Variants in VWA5A observed in about 807,000 individuals in gnomAD.
The protein encoded by VWA5A is von Willebrand factor A domain-containing protein 5A.
VWA5A carries 77 observed loss-of-function variants against 84.6 expected under a neutral mutation model. The ratio of observed to expected loss-of-function variants is 0.91; its 90% CI spans 0.76 to 1.10. The LOEUF (loss-of-function observed/expected upper bound fraction) is 1.10. Among genes scored for constraint, VWA5A ranks in the 50% least tolerant of loss-of-function variants. The pLI, the probability that VWA5A is intolerant of heterozygous loss-of-function variation, is 0.00. For missense variants in VWA5A, 973 were observed against 963.0 expected (o/e 1.01, Z -0.14); for synonymous variants, 334 against 350.1 (o/e 0.95, Z 0.51).
chr11:124,122,866 C>T, intron 7 of VWA5A, 94 bp from the exon 8 acceptor site: 1 of 1,317,418 alleles, frequency 7.6e-7, no homozygotes, highest in South Asian at 1.4e-5. Context: ...TTGAGTTTTC[C>T]TAGCTCTTAA....
intron 14 of VWA5A, 128 bp from the exon 15 acceptor site, chr11:124,136,887 C>T (rs1247164645): frequency 2.2e-6 from 3 of 1,337,032 alleles, no homozygotes; most frequent in African/African-American, 2.9e-5. Context: ...TCTAAACCAC[C>T]CAAGTCTTCT....
chr11:124,136,618 G>T lies in VWA5A; in HGVS notation c.1569G>T (p.Gln523His), dbSNP rs760597891. 7.4e-6 allele frequency: 12 copies of T among 1,613,942 alleles called. No individual in the cohort carries two copies. The highest frequency in any genetic ancestry group is 1.3e-5 in the African/African-American group (1 of 74,884). Residue 523 changes from glutamine (Q) to histidine (H), a missense_variant, in exon 14 of 19, where the codon CAG (glutamine) becomes CAT (histidine). Transcript: ENST00000456829. ...AAGTATGCCTCAAATATACACTCCA[G>T]GGCAAGACTTTTGAGGATAAGGTGA... ...TGEVCLKYTL[Q>H]GKTFEDKVTF...
Position 124,124,232 on chromosome 11 carries a change from T to C in VWA5A, c.1165-5T>C, listed in dbSNP as rs746639145. 1.9e-6 allele frequency: 3 copies of C among 1,612,634 alleles called. No individual in the cohort carries two copies. The highest frequency in any genetic ancestry group is 2.5e-6 in the Non-Finnish European group (3 of 1,179,246). On this transcript the variant is annotated splice_region_variant and splice_polypyrimidine_tract_variant and intron_variant, in intron 10 of 18. Coordinates refer to ENST00000456829, the MANE Select transcript of VWA5A (RefSeq NM_001130142.2). Reference sequence around the variant, plus strand: ...ACCTGATGAACATTTTCTTTCTTTGTATAGCTTTTTGTCTTTACAGATGGA... The same window carrying C: ...ACCTGATGAACATTTTCTTTCTTTGCATAGCTTTTTGTCTTTACAGATGGA...
Position 124,136,001 on chromosome 11 carries a change from AG to A in VWA5A, c.1360-127del, listed in dbSNP as rs1483346246. On this transcript the variant is annotated intron_variant, in intron 12 of 18. Transcript: ENST00000456829. ...TCTTCATATATAAAGCCCATCTCCT[AG>A]AATAGTATTGAGGAGTAGGCATGAC... is the stretch of plus-strand genomic sequence containing the variant. 8 of 1,023,518 alleles carry A rather than the reference AG, an allele frequency of 7.8e-6. No individual in the cohort carries two copies. In the Admixed American group the frequency reaches 1.8e-4, roughly 23 times the overall value. 63.4% of individuals were successfully genotyped at this position (1,023,518 alleles called of 1,614,324 possible). A position where few individuals can be genotyped will look rare whatever the true frequency, so the allele number is the denominator to read the frequency against.
In VWA5A at chr11:124,141,585, T is replaced by C. The variant is rs1860728354; in HGVS notation, c.1880-13T>C. 1 of 1,613,906 alleles carries C rather than the reference T, an allele frequency of 6.2e-7. No individual in the cohort carries two copies. Among genetic ancestry groups the C allele is most frequent in the African/African-American group, 1.3e-5 (1 of 75,020 alleles). On this transcript the variant is annotated splice_polypyrimidine_tract_variant and intron_variant, in intron 15 of 18. Transcript: ENST00000456829. ...CAGGGAGTGCCACTGTCTTAATGTT[T>C]GGATTTTTTCAGGTTTTCGAAAGGC...
rs373937032 is a variant in VWA5A at position 124,137,014 on chromosome 11, G to A, written c.1626-1G>A. 6 of 1,597,492 alleles carry A rather than the reference G, an allele frequency of 3.8e-6. No individual in the cohort carries two copies. The African/African-American group carries it at 4.2e-5, about 11-fold the overall frequency. Reference sequence around the variant, plus strand: ...CAGTACTTTTTTTTTTTTCCTTTCAGCCTCACCATTCACCGCCTTGCTGCC... The same window carrying A: ...CAGTACTTTTTTTTTTTTCCTTTCAACCTCACCATTCACCGCCTTGCTGCC... On this transcript the variant is annotated splice_acceptor_variant, in intron 14 of 18. Transcript: ENST00000456829. LOFTEE classifies it high-confidence loss of function.
intron 15 of VWA5A, 33 bp from the exon 16 acceptor site, chr11:124,141,565 A>G (rs376662729): frequency 3.5e-5 from 57 of 1,611,464 alleles, no homozygotes; most frequent in Non-Finnish European, 4.6e-5. Context: ...GAGAGCAGGG[A>G]GTGCCACTGT....
intron 7 of VWA5A, among the ~76,000 whole-genome samples, chr11:124,122,061 A>G (rs1480092460): frequency 6.6e-6 from 1 of 152,232 alleles, no homozygotes; most frequent in African/African-American, 2.4e-5. Context: ...TATGGAGAAG[A>G]AATTAAACTG....
Position 124,141,578 on chromosome 11 carries a change from T to A in VWA5A, c.1880-20T>A. 6.2e-7 allele frequency: 1 copy of A among 1,613,604 alleles called. No individual in the cohort carries two copies. The highest frequency in any genetic ancestry group is 2.2e-5 in the East Asian group (1 of 44,870). The stretch of plus-strand genomic sequence containing the variant: ...CAGAGAGCAGGGAGTGCCACTGTCT[T>A]AATGTTTGGATTTTTTCAGGTTTTC... On this transcript the variant is annotated intron_variant, in intron 15 of 18. Transcript: ENST00000456829.
chr11:124,124,172 G>A (rs1864980719), intron 10 of VWA5A, 65 bp from the exon 11 acceptor site: 8 of 1,506,994 alleles, frequency 5.3e-6, no homozygotes, highest in South Asian at 4.7e-5. Context: ...TTTTTCAAGG[G>A]CAAATTCTGG....
chr11:124,135,591 C>T (rs372674096), intron 12 of VWA5A, among the ~76,000 whole-genome samples: 3 of 123,358 alleles, frequency 2.4e-5, no homozygotes, highest in Admixed American at 9.4e-5. Context: ...AGTGCAGTGG[C>T]GGGATCTCGG....
At chr11:124,118,954 C>T in intron 6 of VWA5A, 21 bp from the exon 7 acceptor site, 1 of 1,610,900 alleles carries the variant, frequency 6.2e-7, no homozygotes, top group Non-Finnish European at 8.5e-7. Flanking sequence ...AATGTGGCTC[C>T]TTTACCTGTC....
At chr11:124,117,245 C>T in intron 2 of VWA5A, 1 of 558,576 alleles carries the variant, frequency 1.8e-6, no homozygotes, top group Non-Finnish European at 3.2e-6. Context: ...TTTGAACCAG[C>T]CTCAGGGTGT....
At chr11:124,144,483 G>A (rs1019203415) in intron 17 of VWA5A, among the ~76,000 whole-genome samples, 11 of 152,204 alleles carry the variant, frequency 7.2e-5, no homozygotes, top group African/African-American at 2.7e-4. Flanking sequence ...GCGTGGGGAT[G>A]CTTACTGCTT....
At chr11:124,135,956 G>T (rs553042695) in intron 12 of VWA5A, among the ~76,000 whole-genome samples, 173 bp from the exon 13 acceptor site, 1 of 152,128 alleles carries the variant, frequency 6.6e-6, no homozygotes, top group South Asian at 2.1e-4. Context: ...TTCAGCTTTG[G>T]CTTATTCATA....
At chr11:124,136,052 C>A (rs1245852803) in intron 12 of VWA5A, 77 bp from the exon 13 acceptor site, 7 of 1,502,322 alleles carry the variant, frequency 4.7e-6, no homozygotes, top group Non-Finnish European at 6.4e-6. Context: ...ACATCTGATA[C>A]ATAATAAATG....
chr11:124,127,514 C>G (rs1865036522), intron 11 of VWA5A, among the ~76,000 whole-genome samples: 2 of 152,176 alleles, frequency 1.3e-5, no homozygotes, highest in Non-Finnish European at 2.9e-5. Flanking sequence ...GATTTATAAT[C>G]ATTTGGGTAT....
At chr11:124,137,416 AT>A in intron 15 of VWA5A, 148 bp downstream of exon 15, 1 of 1,139,996 alleles carries the variant, frequency 8.8e-7, no homozygotes, top group Non-Finnish European at 1.2e-6. Flanking sequence ...TTAGTGTTAA[AT>A]TTTTCTGTCC....
intron 11 of VWA5A, among the ~76,000 whole-genome samples, chr11:124,129,756 C>G (rs1415134562): frequency 6.6e-6 from 1 of 152,096 alleles, no homozygotes; most frequent in African/African-American, 2.4e-5. Flanking sequence ...TCTAGATTTT[C>G]TAGTTTATTT....
Sources: gnomAD v4.1 joint callset for allele counts (sites outside exome capture counted in the v4.1 genomes callset) on GRCh38, gnomAD v4.1.1 for gene constraint, MANE v1.5 for transcripts, NCBI Gene and HGNC (gene_info 2026-07-23, HGNC 2026-07-21) for gene names.